The following PSMG4 variants were observed in gnomAD, a reference collection of about 807,000 sequenced individuals.
PSMG4 encodes the protein proteasome (prosome, macropain) assembly chaperone 4.
A neutral mutation model predicts 11.0 loss-of-function variants in PSMG4; 10 were observed. The ratio of observed to expected loss-of-function variants is 0.91; its 90% CI spans 0.56 to 1.54. The LOEUF (loss-of-function observed/expected upper bound fraction) is 1.54, where lower values mean the gene tolerates loss of function less well. Among genes scored for constraint, PSMG4 ranks in the 40% most tolerant of loss-of-function variants. The probability of loss-of-function intolerance (pLI) is 0.00; values close to 1 mark genes in which losing one functional copy is unlikely to be tolerated. For synonymous variants in PSMG4, 95 were observed against 71.3 expected (o/e 1.33, Z -1.68); for missense variants, 198 against 160.9 (o/e 1.23, Z -1.25).
Position 3,259,201 on chromosome 6 carries a change from G to C in PSMG4, c.174+5G>C. ...GTGGCCATGTGCAGCCGCTACGTGA[G>C]TGCCTGGCGGCCGAGGGTGCGGGCG... On this transcript the variant is annotated splice_donor_5th_base_variant and intron_variant, in intron 1 of 2. Coordinates refer to ENST00000438998, the MANE Select transcript of PSMG4 (RefSeq NM_001128591.2). 2 of 1,291,832 alleles carry C rather than the reference G, an allele frequency of 1.5e-6. No individual in the cohort carries two copies. The highest frequency in any genetic ancestry group is 2.0e-6 in the Non-Finnish European group (2 of 1,021,050). The allele number at this position is 1,291,832 out of a possible 1,614,324, so 80.0% of individuals were successfully genotyped here. A position where few individuals can be genotyped will look rare whatever the true frequency, so the allele number is the denominator to read the frequency against.
intron 2 of PSMG4, chr6:3,267,016 C>A (rs905697891): frequency 6.6e-6 from 1 of 151,428 alleles, no homozygotes; most frequent in African/African-American, 2.4e-5. Flanking sequence ...CCACCATGCC[C>A]GGCTAATTTT....
At chr6:3,254,933 C>CGA, upstream of PSMG4, 1 of 1,169,812 alleles carries the variant, frequency 8.5e-7, no homozygotes, top group South Asian at 1.6e-5. Context: ...GCCATTCTCT[C>CGA]ACTGGGTGTC....
At chr6:3,263,536 G>A (rs551745943) in intron 1 of PSMG4, 148 bp from the exon 2 acceptor site, 69 of 627,732 alleles carry the variant, frequency 1.1e-4, no homozygotes, top group African/African-American at 8.8e-4. Context: ...GTTGACGGAC[G>A]CCACCCCTCT....
rs9501963 is a variant in PSMG4 at position 3,259,481 on chromosome 6, T to A, written c.174+285T>A. The stretch of plus-strand genomic sequence containing the variant: ...TCTTGGGTCTGTCCTCGCCACACGC[T>A]CGCTGGGGGACGCGTCTGCCTCGTA... On this transcript the variant is annotated intron_variant, in intron 1 of 2. Coordinates refer to ENST00000438998, the MANE Select transcript of PSMG4 (RefSeq NM_001128591.2). Among the ~76,000 whole-genome samples the A allele has an allele frequency of 3.3e-5, 5 of 152,330 alleles. 1 individual carries two copies. The South Asian group carries it at 1.0e-3, about 32-fold the overall frequency.
At chr6:3,255,037 G>C (rs114592921), upstream of PSMG4, 9,581 of 1,549,582 alleles carry the variant, frequency 6.2e-3, 513 homozygotes, top group African/African-American at 0.12. Flanking sequence ...GGCGCTTTCT[G>C]ATTCTCTGGA....
chr6:3,267,410 G>A, intron 2 of PSMG4, 181 bp from the exon 3 acceptor site: 1 of 546,378 alleles, frequency 1.8e-6, no homozygotes, highest in Non-Finnish European at 3.1e-6. Context: ...ACTGGGAGAG[G>A]CCTGAGTGAC....
At chr6:3,263,240 A>G (rs779215765) in intron 1 of PSMG4, among the ~76,000 whole-genome samples, 2 of 152,210 alleles carry the variant, frequency 1.3e-5, no homozygotes, top group Non-Finnish European at 2.9e-5. Flanking sequence ...ACAGGCTGAG[A>G]TGAGGAGATT....
upstream of PSMG4, chr6:3,255,060 C>CA: frequency 1.3e-6 from 2 of 1,550,918 alleles, no homozygotes; most frequent in Non-Finnish European, 8.7e-7. Context: ...GGAACAAACA[C>CA]ACTTGGAATA....
chr6:3,264,679 G>A (rs4579400), intron 2 of PSMG4: 37,215 of 187,420 alleles, frequency 0.2, 7,344 homozygotes, highest in African/African-American at 0.55. Context: ...CCTTGGAGGT[G>A]GGGACCTGAC....
At chr6:3,263,576 G>C (rs1294499546) in intron 1 of PSMG4, 108 bp from the exon 2 acceptor site, 9 of 980,930 alleles carry the variant, frequency 9.2e-6, no homozygotes, top group East Asian at 2.7e-5. Flanking sequence ...TGTCCTCTCT[G>C]AACCTGCCAC....
chr6:3,257,181 TGGGTTTGGGTCAGCTCA>T (rs1461751019), upstream of PSMG4, among the ~76,000 whole-genome samples: 2 of 152,224 alleles, frequency 1.3e-5, no homozygotes, highest in East Asian at 3.9e-4. Flanking sequence ...CTGCTGAACT[TGGGTTTGGGTCAGCTCA>T]GGGTTTGGGG....
chr6:3,259,035 G>A lies in PSMG4; in HGVS notation c.13G>A (p.Val5Ile), dbSNP rs1189862491. The A allele has an allele frequency of 8.0e-7, 1 of 1,250,294 alleles. No individual in the cohort carries two copies. The highest frequency in any genetic ancestry group is 1.0e-6 in the Non-Finnish European group (1 of 996,196). 77.5% of individuals were successfully genotyped at this position (1,250,294 alleles called of 1,614,324 possible). MEGL[V>I]VAAGGDVSLH... ...GCCGTGGGGCGGCATGGAGGGGCTGGTTGTCGCCGCCGGCGGGGACGTCTC... is the reference window on the plus strand; with the variant it reads ...GCCGTGGGGCGGCATGGAGGGGCTGATTGTCGCCGCCGGCGGGGACGTCTC... Residue 5 changes from valine to isoleucine, a missense_variant, in exon 1 of 3, where the codon GTT becomes ATT. By Grantham distance (29) the Val-to-Ile change is conservative (BLOSUM62 3). Coordinates refer to ENST00000438998, the MANE Select transcript of PSMG4 (RefSeq NM_001128591.2).
In PSMG4 at chr6:3,263,778, C is replaced by T. The variant is rs937717626; in HGVS notation, c.250+19C>T. The T allele has an allele frequency of 1.9e-5, 29 of 1,547,010 alleles. No individual in the cohort carries two copies. The Admixed American group carries it at 2.8e-4, about 15-fold the overall frequency. ...CGCCTAGGTATGTACCCACAGCTGG[C>T]GCTGCATGGCCAGCCAGGTGGGGCC... On this transcript the variant is annotated intron_variant, in intron 2 of 2. Transcript: ENST00000438998.
intron 1 of PSMG4, among the ~76,000 whole-genome samples, chr6:3,263,148 TG>T (rs5873871): frequency 0.68 from 104,011 of 152,138 alleles, 38,547 homozygotes; most frequent in Non-Finnish European, 0.83. Flanking sequence ...TAGATGCTGG[TG>T]GCTGGTGCCC....
intron 2 of PSMG4, chr6:3,263,962 G>T (rs1758089723): frequency 7.3e-7 from 1 of 1,368,186 alleles, no homozygotes; most frequent in African/African-American, 1.5e-5. Context: ...ACCGTCCCAG[G>T]GCTGGCCTGT....
At chr6:3,264,046 G>A in intron 2 of PSMG4, 1 of 1,410,814 alleles carries the variant, frequency 7.1e-7, no homozygotes, top group Non-Finnish European at 9.4e-7. Context: ...TTCCGTAAGT[G>A]CATCACCACC....
intron 2 of PSMG4, 84 bp downstream of exon 2, chr6:3,263,843 T>A (rs1175627365): frequency 2.0e-6 from 3 of 1,505,418 alleles, no homozygotes; most frequent in Non-Finnish European, 2.7e-6. Context: ...CCTTCGGAAG[T>A]AAAGCATCTT....
upstream of PSMG4, among the ~76,000 whole-genome samples, chr6:3,254,440 A>T (rs547829478): frequency 1.0e-5 from 1 of 100,090 alleles, no homozygotes; most frequent in Non-Finnish European, 2.5e-5. Context: ...TTGTGCTGTA[A>T]TAGTTTTCTG....
chr6:3,255,717 G>C (rs1757740115), upstream of PSMG4, among the ~76,000 whole-genome samples: 1 of 152,240 alleles, frequency 6.6e-6, no homozygotes, highest in African/African-American at 2.4e-5. Context: ...ACTGAAGAAG[G>C]GGTATTGGTA....
Sources: allele counts gnomAD v4.1 joint callset (sites outside exome capture counted in the v4.1 genomes callset), GRCh38; gene constraint gnomAD v4.1.1; transcripts MANE v1.5; gene names NCBI Gene and HGNC (gene_info 2026-07-23, HGNC 2026-07-21).